Variants in EXOC4 observed in about 807,000 individuals in gnomAD.
The protein encoded by EXOC4 is exocyst complex component 4, also known as SEC8-like 1.
In EXOC4, 71 loss-of-function variants were observed where a neutral mutation model predicts 107.2. The ratio of observed to expected loss-of-function variants is 0.66; its 90% CI spans 0.55 to 0.81. The LOEUF (loss-of-function observed/expected upper bound fraction) is 0.81. Among genes scored for constraint, EXOC4 ranks in the 30% least tolerant of loss-of-function variants. The pLI is 0.00. For missense variants in EXOC4, 1,108 were observed against 1,189.6 expected (o/e 0.93, Z 1.01); for synonymous variants, 456 against 441.2 (o/e 1.03, Z -0.42).
intron 10 of EXOC4, among the ~76,000 whole-genome samples, chr7:133,789,802 A>G (rs1377291948): frequency 6.6e-6 from 1 of 152,182 alleles, no homozygotes; most frequent in African/African-American, 2.4e-5. Context: ...CACTGTTGCT[A>G]AAAGTAGTGA....
At chr7:133,845,940 A>C (rs1159957190) in intron 11 of EXOC4, among the ~76,000 whole-genome samples, 1 of 152,160 alleles carries the variant, frequency 6.6e-6, no homozygotes, top group Non-Finnish European at 1.5e-5. Flanking sequence ...AGAACATAAA[A>C]GGCAGGCATT....
the EXOC4 span, among the ~76,000 whole-genome samples, chr7:134,076,433 G>T: frequency 6.6e-6 from 1 of 152,032 alleles, no homozygotes; most frequent in Non-Finnish European, 1.5e-5. Flanking sequence ...CAGGAGAATG[G>T]TGTGAACCTA....
At chr7:133,517,894 GATGAATC>G (rs1290743145) in intron 9 of EXOC4, among the ~76,000 whole-genome samples, 3 of 152,050 alleles carry the variant, frequency 2.0e-5, no homozygotes, top group African/African-American at 7.2e-5. Flanking sequence ...TTTACTACGT[GATGAATC>G]ACCCCATACT....
chr7:133,584,826 G>A (rs1393297468), intron 9 of EXOC4, among the ~76,000 whole-genome samples: 3 of 151,960 alleles, frequency 2.0e-5, no homozygotes, highest in Admixed American at 1.3e-4. Flanking sequence ...CGATCTGCCC[G>A]TCTTGGCCTC....
chr7:134,039,492 C>T (rs1354777557), intron 17 of EXOC4, among the ~76,000 whole-genome samples: 1 of 152,186 alleles, frequency 6.6e-6, no homozygotes, highest in Non-Finnish European at 1.5e-5. Flanking sequence ...CTGAACAAAA[C>T]ATTAGGGATC....
chr7:133,830,404 A>G (rs1797784732), intron 11 of EXOC4, among the ~76,000 whole-genome samples: 1 of 152,232 alleles, frequency 6.6e-6, no homozygotes, highest in Non-Finnish European at 1.5e-5. Flanking sequence ...GGAGGAGTAC[A>G]CTTTTCTTCC....
At chr7:133,829,076 A>G (rs1797757147) in intron 11 of EXOC4, among the ~76,000 whole-genome samples, 1 of 152,192 alleles carries the variant, frequency 6.6e-6, no homozygotes, top group South Asian at 2.1e-4. Context: ...GATGTGTAGA[A>G]ACGAAGAAGG....
rs530528089 is a variant in EXOC4 at position 133,788,176 on chromosome 7, G to T, written c.1515-29149G>T. On this transcript the variant is annotated intron_variant, in intron 10 of 17. Coordinates refer to ENST00000253861, the MANE Select transcript of EXOC4 (RefSeq NM_021807.4). ...CTTAATTGGAGTATCTCAGGGCTCA[G>T]TTTTAGACCTCTCCTTTCCTCTATT... 2.0e-5 allele frequency among the ~76,000 whole-genome samples: 3 copies of T among 150,362 alleles called. No individual in the cohort carries two copies. In the East Asian group the frequency reaches 6.0e-4, roughly 30 times the overall value.
chr7:134,034,606 C>G (rs945300179), intron 17 of EXOC4, among the ~76,000 whole-genome samples: 1 of 152,186 alleles, frequency 6.6e-6, no homozygotes, highest in Non-Finnish European at 1.5e-5. Flanking sequence ...GCTTTGTGAA[C>G]AGGGTGCCTT....
At position 133,580,718 on chromosome 7, in the gene EXOC4, G is replaced by A. The variant is rs188320127; in HGVS notation, c.1418-49327G>A. Among the ~76,000 whole-genome samples the A allele has an allele frequency of 8.7e-4, 133 of 152,154 alleles. 3 individuals carry two copies. Among genetic ancestry groups the A allele is most frequent in the Admixed American group, 8.0e-3 (123 of 15,294 alleles). On this transcript the variant is annotated intron_variant, in intron 9 of 17. Coordinates refer to ENST00000253861, the MANE Select transcript of EXOC4 (RefSeq NM_021807.4). Reference sequence around the variant, plus strand: ...CTAAGAAAGCTTTTTAATACCTCCCGCACATATGTGTAGATAACTGTCCTT... The same window carrying A: ...CTAAGAAAGCTTTTTAATACCTCCCACACATATGTGTAGATAACTGTCCTT...
chr7:133,924,196 A>G (rs2116666165), intron 13 of EXOC4, among the ~76,000 whole-genome samples: 1 of 152,312 alleles, frequency 6.6e-6, no homozygotes, highest in South Asian at 2.1e-4. Flanking sequence ...CCGTAAGCAT[A>G]CTCATCTAAC....
At chr7:133,703,677 C>T (rs867912128) in intron 10 of EXOC4, among the ~76,000 whole-genome samples, 4 of 152,186 alleles carry the variant, frequency 2.6e-5, no homozygotes, top group Non-Finnish European at 4.4e-5. Flanking sequence ...TAACAAATTA[C>T]GCTTATGCAT....
At chr7:133,376,593 A>G (rs529780487) in intron 7 of EXOC4, among the ~76,000 whole-genome samples, 51 of 152,272 alleles carry the variant, frequency 3.3e-4, no homozygotes, top group East Asian at 1.9e-3. Flanking sequence ...TTTCCAAACT[A>G]TTAGCCCTTT....
rs568023214 is a variant in EXOC4 at position 133,406,364 on chromosome 7, A to G, written c.1182+31362A>G. Among the ~76,000 whole-genome samples the G allele has an allele frequency of 7.9e-5, 12 of 152,250 alleles. No homozygotes were observed. In the East Asian group the frequency reaches 2.3e-3, roughly 29 times the overall value. On this transcript the variant is annotated intron_variant, in intron 7 of 17. Coordinates refer to ENST00000253861, the MANE Select transcript of EXOC4 (RefSeq NM_021807.4). ...TGAAAATCACTTTTTTTTTGTATTT[A>G]TAACACAAATGCTTAATAATTTTTG...
intron 9 of EXOC4, among the ~76,000 whole-genome samples, chr7:133,588,874 T>C (rs1801469948): frequency 1.4e-5 from 2 of 147,312 alleles, no homozygotes; most frequent in Non-Finnish European, 3.0e-5. Context: ...TGAAACTCAG[T>C]CTCAAAAAAG....
intron 5 of EXOC4, 37 bp downstream of exon 5, chr7:133,317,427 T>A (rs1795015695): frequency 7.2e-7 from 1 of 1,382,746 alleles, no homozygotes; most frequent in African/African-American, 1.4e-5. Context: ...AGCTTTTTAG[T>A]ATGTCTTAGT....
At position 133,448,305 on chromosome 7, in the gene EXOC4, CT is replaced by C. The variant is rs956218334; in HGVS notation, c.1183-27013del. Among the ~76,000 whole-genome samples, 52 of 148,542 alleles carry C rather than the reference CT, an allele frequency of 3.5e-4. No individual in the cohort carries two copies. In the East Asian group the frequency reaches 5.7e-3, roughly 16 times the overall value. On this transcript the variant is annotated intron_variant, in intron 7 of 17. Coordinates refer to ENST00000253861, the MANE Select transcript of EXOC4 (RefSeq NM_021807.4). ...TAATTTTTACTCATTCTTCATATGT[CT>C]TTTTTTTTTGAGACATGGTCTTGCT...
chr7:133,387,884 C>CT (rs1419663520), intron 7 of EXOC4, among the ~76,000 whole-genome samples: 35 of 151,534 alleles, frequency 2.3e-4, no homozygotes, highest in Non-Finnish European at 4.7e-4. Context: ...AGTTCATGGG[C>CT]AAAGGGGGAC....
chr7:134,079,467 T>C, the EXOC4 span, among the ~76,000 whole-genome samples: 1 of 152,146 alleles, frequency 6.6e-6, no homozygotes, highest in Admixed American at 6.5e-5. Flanking sequence ...GCCCACCACA[T>C]GTCTTGAACA....
Sources: gnomAD v4.1 joint callset for allele counts (sites outside exome capture counted in the v4.1 genomes callset) on GRCh38, gnomAD v4.1.1 for gene constraint, MANE v1.5 for transcripts, NCBI Gene and HGNC (gene_info 2026-07-23, HGNC 2026-07-21) for gene names.